Variants in SEMA5A observed in about 807,000 individuals in gnomAD.
SEMA5A encodes semaphorin-5A.
SEMA5A carries 55 observed loss-of-function variants against 135.5 expected under a neutral mutation model. The observed-to-expected ratio is 0.41, with a 90% CI of 0.33 to 0.51. SEMA5A has a LOEUF of 0.51. SEMA5A is among the 20% of genes least tolerant of loss of function. The probability of loss-of-function intolerance (pLI) is 0.37; values close to 1 mark genes in which losing one functional copy is unlikely to be tolerated. For synonymous variants in SEMA5A, 580 were observed against 546.5 expected (o/e 1.06, Z -0.85); for missense variants, 1,290 against 1,419.9 (o/e 0.91, Z 1.47).
intron 16 of SEMA5A, among the ~76,000 whole-genome samples, chr5:9,093,579 C>T (rs949924259): frequency 4.6e-5 from 7 of 151,876 alleles, no homozygotes; most frequent in Non-Finnish European, 1.0e-4. Context: ...TGGTGGCGCA[C>T]GCCTGTAGTC....
intron 2 of SEMA5A, among the ~76,000 whole-genome samples, chr5:9,436,062 T>C (rs1758018147): frequency 6.6e-6 from 1 of 152,220 alleles, no homozygotes; most frequent in Non-Finnish European, 1.5e-5. Context: ...TCTGACTCAC[T>C]GCAATTCTCT....
In SEMA5A at chr5:9,258,803, C is replaced by CTTTTTTTTTTTTT. The variant is rs748703578; in HGVS notation, c.271-20926_271-20914dup. 3.7e-3 allele frequency among the ~76,000 whole-genome samples: 182 copies of CTTTTTTTTTTTTT among 48,956 alleles called. 24 individuals are homozygous for CTTTTTTTTTTTTT. Among genetic ancestry groups the CTTTTTTTTTTTTT allele is most frequent in the Middle Eastern group, 0.025 (1 of 40 alleles). 32.1% of individuals were successfully genotyped at this position (48,956 alleles called of 152,430 possible). On this transcript the variant is annotated intron_variant, in intron 5 of 22. Transcript: ENST00000382496. Reference sequence around the variant, plus strand: ...ATTATTTGTCTTTTCTTCTTTCTTTCTTTTTTTTTTTTTTTTTTTTTTTTT... The same window carrying CTTTTTTTTTTTTT: ...ATTATTTGTCTTTTCTTCTTTCTTTCTTTTTTTTTTTTTTTTTTTTTTTTTTTTTTTTTTTTTT...
intron 5 of SEMA5A, among the ~76,000 whole-genome samples, chr5:9,285,097 C>A (rs921034530): frequency 1.3e-5 from 2 of 152,160 alleles, no homozygotes; most frequent in Admixed American, 6.5e-5. Flanking sequence ...GCCTCCTACA[C>A]TTTTTGAGTC....
At chr5:9,460,978 C>T (rs1759033725) in intron 1 of SEMA5A, among the ~76,000 whole-genome samples, 1 of 152,092 alleles carries the variant, frequency 6.6e-6, no homozygotes. Context: ...CTTAGATTTC[C>T]CTAAACCTTG....
rs770936867 is a variant in SEMA5A at position 9,041,017 on chromosome 5, T to TAGAC, written c.*1876_*1879dup. On this transcript the variant is annotated 3_prime_UTR_variant, in exon 23 of 23. Coordinates refer to ENST00000382496, the MANE Select transcript of SEMA5A (RefSeq NM_003966.3). Reference sequence around the variant, plus strand: ...AGTATGGACTTTGAGCATGTGCATATAGACAGAAGACTCTGACATATGAGG... The same window carrying TAGAC: ...AGTATGGACTTTGAGCATGTGCATATAGACAGACAGAAGACTCTGACATATGAGG... The TAGAC allele has an allele frequency of 1.3e-5, 2 of 152,154 alleles. No individual in the cohort carries two copies. Among genetic ancestry groups the TAGAC allele is most frequent in the African/African-American group, 2.4e-5 (1 of 41,412 alleles). The allele number at this position is 152,154 out of a possible 1,614,324, so 9.4% of individuals were successfully genotyped here.
In SEMA5A at chr5:9,337,767, T is replaced by A; in HGVS notation, c.170A>T (p.Asp57Val). The change falls in exon 4 of 23, where the codon GAT becomes GTT. Residue 57 changes from aspartate to valine, a missense_variant. Around this residue, in one of 3 missense-constraint regions of SEMA5A, gnomAD observed 116 missense variants for 121.3 expected, o/e 0.96. Coordinates refer to ENST00000382496, the MANE Select transcript of SEMA5A (RefSeq NM_003966.3). ...LREFRAKNAV[D>V]FSQLTFDPGQ... ...TGGGTCAAATGTTAACTGCGAGAAA[T>A]CCACAGCATTCTTCGCTCTGAACTC... is the stretch of plus-strand genomic sequence containing the variant. 1 of 1,611,782 alleles carries A rather than the reference T, an allele frequency of 6.2e-7. No individual in the cohort carries two copies. Among genetic ancestry groups the A allele is most frequent in the Non-Finnish European group, 8.5e-7 (1 of 1,178,496 alleles).
chr5:9,178,546 G>T (rs1744334238), intron 11 of SEMA5A, among the ~76,000 whole-genome samples: 1 of 151,944 alleles, frequency 6.6e-6, no homozygotes, highest in Admixed American at 6.6e-5. Context: ...TTGCCAGGCT[G>T]GTCTTCAACT....
intron 12 of SEMA5A, among the ~76,000 whole-genome samples, chr5:9,149,179 A>G (rs996227141): frequency 1.3e-5 from 2 of 152,164 alleles, no homozygotes; most frequent in Non-Finnish European, 2.9e-5. Context: ...CCACACATCT[A>G]CCCATTCATT....
chr5:9,415,219 C>T (rs916493586), intron 2 of SEMA5A, among the ~76,000 whole-genome samples: 4 of 152,152 alleles, frequency 2.6e-5, no homozygotes, highest in African/African-American at 9.7e-5. Flanking sequence ...CTTTCTTAAA[C>T]AAAGTTTCAT....
chr5:9,430,084 T>C (rs747221975), intron 2 of SEMA5A, among the ~76,000 whole-genome samples: 2 of 152,140 alleles, frequency 1.3e-5, no homozygotes, highest in Non-Finnish European at 2.9e-5. Flanking sequence ...AGATATTGGA[T>C]ATATGTTGAA....
chr5:9,271,517 A>G (rs1197018642), intron 5 of SEMA5A, among the ~76,000 whole-genome samples: 5 of 152,190 alleles, frequency 3.3e-5, no homozygotes, highest in African/African-American at 4.8e-5. Flanking sequence ...GGAAAAATTT[A>G]GAACTTGCTA....
At chr5:9,539,632 C>A (rs1027121819) in intron 1 of SEMA5A, among the ~76,000 whole-genome samples, 1 of 151,998 alleles carries the variant, frequency 6.6e-6, no homozygotes, top group Non-Finnish European at 1.5e-5. Context: ...TGCTTGGGAC[C>A]AGAAGTATTT....
At chr5:9,354,515 G>A (rs1258905360) in intron 3 of SEMA5A, among the ~76,000 whole-genome samples, 1 of 152,130 alleles carries the variant, frequency 6.6e-6, no homozygotes, top group Non-Finnish European at 1.5e-5. Context: ...CCCCATTAAT[G>A]TTTCTTCACT....
At chr5:9,493,739 A>G (rs1045567332) in intron 1 of SEMA5A, among the ~76,000 whole-genome samples, 1 of 152,232 alleles carries the variant, frequency 6.6e-6, no homozygotes, top group Non-Finnish European at 1.5e-5. Context: ...TGTAACTCAC[A>G]GAAAATAAAT....
intron 2 of SEMA5A, among the ~76,000 whole-genome samples, chr5:9,382,371 G>A (rs1233776464): frequency 6.6e-6 from 1 of 151,974 alleles, no homozygotes; most frequent in Non-Finnish European, 1.5e-5. Flanking sequence ...GAAAACTGAG[G>A]GGAAAAGCTA....
rs1050200390 is a variant in SEMA5A, at chr5:9,227,374, C to A, written c.334-407G>T. Reference sequence around the variant, plus strand: ...GTATTAGGAAAATAAATAAAAGGAACCTATTAGATGTCGCTCGGGAAGCAG... The same window carrying A: ...GTATTAGGAAAATAAATAAAAGGAAACTATTAGATGTCGCTCGGGAAGCAG... On this transcript the variant is annotated intron_variant, in intron 6 of 22. Coordinates refer to ENST00000382496, the MANE Select transcript of SEMA5A (RefSeq NM_003966.3). Among the ~76,000 whole-genome samples, 23 of 152,212 alleles carry A rather than the reference C, an allele frequency of 1.5e-4. No homozygotes were observed. In the East Asian group the frequency reaches 4.4e-3, roughly 29 times the overall value.
intron 12 of SEMA5A, among the ~76,000 whole-genome samples, chr5:9,154,038 T>G (rs1428822916): frequency 1.0e-5 from 1 of 96,836 alleles, no homozygotes; most frequent in Non-Finnish European, 1.9e-5. Context: ...AGAGTGAGAC[T>G]GTGTCTCAAA....
intron 3 of SEMA5A, among the ~76,000 whole-genome samples, chr5:9,340,534 T>C (rs1753601969): frequency 6.6e-6 from 1 of 152,206 alleles, no homozygotes; most frequent in South Asian, 2.1e-4. Context: ...TTTTGGTCCC[T>C]ATACTGAACA....
chr5:9,183,284 G>A (rs1744624435), intron 11 of SEMA5A, among the ~76,000 whole-genome samples: 1 of 152,194 alleles, frequency 6.6e-6, no homozygotes, highest in South Asian at 2.1e-4. Context: ...GGTGAAAATG[G>A]AAGGGGAATT....
Sources: allele counts gnomAD v4.1 joint callset (sites outside exome capture counted in the v4.1 genomes callset), GRCh38; gene constraint gnomAD v4.1.1; regional missense constraint gnomAD v4.1.1; transcripts MANE v1.5; gene names NCBI Gene and HGNC (gene_info 2026-07-23, HGNC 2026-07-21).